SOX6: variants seen among roughly 807,000 people sequenced by gnomAD.
The protein encoded by SOX6 is transcription factor SOX-6.
In SOX6, 11 loss-of-function variants were observed where a neutral mutation model predicts 97.8. That is an observed-to-expected ratio of 0.11 (90% CI 0.07 to 0.19). The LOEUF (loss-of-function observed/expected upper bound fraction) is 0.19. SOX6 is among the 10% of genes least tolerant of loss of function. SOX6 has a pLI of 1.00. For missense variants in SOX6, 810 were observed against 1,039.5 expected, an observed-to-expected ratio of 0.78 and a Z score of 3.04; for synonymous variants, 360 against 371.4, an observed-to-expected ratio of 0.97 and a Z score of 0.35.
chr11:16,016,571 C>T (rs1220303830), intron 12 of SOX6, among the ~76,000 whole-genome samples: 2 of 152,002 alleles, frequency 1.3e-5, no homozygotes, highest in Non-Finnish European at 2.9e-5. Flanking sequence ...AACAAATTAA[C>T]CCAGATGCAG....
chr11:16,429,991 T>G (rs1320579766), intron 1 of SOX6, among the ~76,000 whole-genome samples: 1 of 152,064 alleles, frequency 6.6e-6, no homozygotes, highest in Non-Finnish European at 1.5e-5. Context: ...AACTATAAAA[T>G]AGAAACAATA....
chr11:16,100,355 C>A (rs1263372110), intron 7 of SOX6, among the ~76,000 whole-genome samples: 4 of 151,722 alleles, frequency 2.6e-5, no homozygotes, highest in Non-Finnish European at 5.9e-5. Flanking sequence ...CCCTTGCTAC[C>A]TCTAGTGTAA....
At chr11:16,017,045 T>C (rs1435738040) in intron 12 of SOX6, among the ~76,000 whole-genome samples, 4 of 152,060 alleles carry the variant, frequency 2.6e-5, no homozygotes, top group African/African-American at 4.8e-5. Context: ...AGAATATCAA[T>C]ATTTTGACAA....
chr11:16,736,957 T>G (rs1477918538), intron 1 of SOX6, among the ~76,000 whole-genome samples: 2 of 152,216 alleles, frequency 1.3e-5, no homozygotes, highest in Non-Finnish European at 2.9e-5. Flanking sequence ...TCTATTATAG[T>G]ACTTACTATT....
intron 2 of SOX6, among the ~76,000 whole-genome samples, chr11:16,728,317 C>T (rs1470690866): frequency 6.6e-6 from 1 of 152,178 alleles, no homozygotes; most frequent in African/African-American, 2.4e-5. Context: ...ACAGACACCC[C>T]ACACAGGAGA....
intron 3 of SOX6, among the ~76,000 whole-genome samples, chr11:16,635,488 A>C (rs894216093): frequency 6.6e-6 from 1 of 152,178 alleles, no homozygotes; most frequent in African/African-American, 2.4e-5. Flanking sequence ...AGAAATTTTT[A>C]AGCCACAAAG....
At chr11:16,571,516 G>C (rs1215620220) in intron 4 of SOX6, among the ~76,000 whole-genome samples, 1 of 152,088 alleles carries the variant, frequency 6.6e-6, no homozygotes, top group African/African-American at 2.4e-5. Context: ...CTACGACCTG[G>C]AACTCCTGGG....
intron 3 of SOX6, among the ~76,000 whole-genome samples, chr11:16,659,477 T>C (rs1325343732): frequency 6.7e-6 from 1 of 150,346 alleles, no homozygotes; most frequent in East Asian, 2.0e-4. Flanking sequence ...TCTCCAACTC[T>C]CTTATTCTCC....
At chr11:16,131,365 C>T (rs1298381185) in intron 6 of SOX6, among the ~76,000 whole-genome samples, 1 of 151,696 alleles carries the variant, frequency 6.6e-6, no homozygotes, top group African/African-American at 2.4e-5. Context: ...TCAACATCAC[C>T]CATCACCCAA....
intron 13 of SOX6, among the ~76,000 whole-genome samples, chr11:16,006,158 T>C (rs1006808285): frequency 6.6e-6 from 1 of 152,040 alleles, no homozygotes; most frequent in African/African-American, 2.4e-5. Flanking sequence ...TGTTATAACA[T>C]GGAAAGATAT....
chr11:16,700,079 T>A (rs1848081875), intron 3 of SOX6, among the ~76,000 whole-genome samples: 1 of 151,946 alleles, frequency 6.6e-6, no homozygotes, highest in Admixed American at 6.6e-5. Context: ...CATGTACAAA[T>A]CACTACTATG....
chr11:16,181,920 C>G (rs1851357973), intron 6 of SOX6, among the ~76,000 whole-genome samples: 1 of 151,670 alleles, frequency 6.6e-6, no homozygotes, highest in African/African-American at 2.4e-5. Context: ...AATTAAACAA[C>G]AAGAAATATC....
chr11:16,090,798 G>C (rs1365280959), intron 9 of SOX6, among the ~76,000 whole-genome samples: 1 of 152,000 alleles, frequency 6.6e-6, no homozygotes, highest in Non-Finnish European at 1.5e-5. Context: ...TTATACTCTA[G>C]TAGGTTAGAC....
intron 2 of SOX6, among the ~76,000 whole-genome samples, chr11:16,720,663 T>C (rs898433239): frequency 6.8e-6 from 1 of 148,084 alleles, no homozygotes; most frequent in Non-Finnish European, 1.5e-5. Flanking sequence ...CTGCACATTG[T>C]GCACATGTAC....
At chr11:16,074,998 T>C (rs368629416) in intron 9 of SOX6, among the ~76,000 whole-genome samples, 2 of 152,188 alleles carry the variant, frequency 1.3e-5, no homozygotes, top group Admixed American at 6.5e-5. Context: ...CAAAACAGCA[T>C]GGTGCTAGTA....
chr11:16,514,111 G>C (rs1860923634), intron 4 of SOX6, among the ~76,000 whole-genome samples: 1 of 151,512 alleles, frequency 6.6e-6, no homozygotes, highest in South Asian at 2.1e-4. Context: ...AGCTAGTCAG[G>C]AGGCTGAGGT....
At chr11:16,531,589 A>C (rs150046030) in intron 4 of SOX6, among the ~76,000 whole-genome samples, 183 of 151,956 alleles carry the variant, frequency 1.2e-3, no homozygotes, top group African/African-American at 4.1e-3. Flanking sequence ...TGCAGCTGTC[A>C]CATGTTGGAA....
intron 12 of SOX6, among the ~76,000 whole-genome samples, chr11:16,017,870 T>C (rs961002506): frequency 6.6e-6 from 1 of 152,088 alleles, no homozygotes; most frequent in Non-Finnish European, 1.5e-5. Context: ...GTTGGAGATA[T>C]AAGCAAAATA....
chr11:16,004,850 T>C (rs1854503766), intron 13 of SOX6, among the ~76,000 whole-genome samples: 1 of 152,104 alleles, frequency 6.6e-6, no homozygotes, highest in South Asian at 2.1e-4. Flanking sequence ...CCTAGCTAAG[T>C]AGCCTTGGAT....
Sources: allele counts gnomAD v4.1 joint callset (sites outside exome capture counted in the v4.1 genomes callset), GRCh38; gene constraint gnomAD v4.1.1; transcripts MANE v1.5; gene names NCBI Gene and HGNC (gene_info 2026-07-23, HGNC 2026-07-21).